Variants in HPSE2 observed in about 807,000 individuals in gnomAD.
HPSE2 encodes heparanase 2 (inactive), also known as inactive heparanase-2.
A neutral mutation model predicts 60.5 loss-of-function variants in HPSE2; 38 were observed. That is an observed-to-expected ratio of 0.63 (90% confidence interval 0.48 to 0.82). The LOEUF is 0.82. HPSE2 is among the 40% of genes least tolerant of loss of function. The probability of loss-of-function intolerance (pLI) is 0.00; values close to 1 mark genes in which losing one functional copy is unlikely to be tolerated. For missense variants in HPSE2, 713 were observed against 740.4 expected, an observed-to-expected ratio of 0.96 and a Z score of 0.43; for synonymous variants, 295 against 293.2, an observed-to-expected ratio of 1.01 and a Z score of -0.06.
At chr10:98,926,809 C>T (rs923639634) in intron 3 of HPSE2, among the ~76,000 whole-genome samples, 8 of 152,092 alleles carry the variant, frequency 5.3e-5, no homozygotes, top group Non-Finnish European at 1.0e-4. Flanking sequence ...AAGTCTGCTC[C>T]CAAACTGTAA....
chr10:98,778,303 A>G (rs977129158), intron 3 of HPSE2, among the ~76,000 whole-genome samples: 1 of 151,826 alleles, frequency 6.6e-6, no homozygotes, highest in Non-Finnish European at 1.5e-5. Flanking sequence ...AGAGAAAGCA[A>G]GAAAGACCTG....
chr10:98,885,239 G>C (rs910047447), intron 3 of HPSE2, among the ~76,000 whole-genome samples: 1 of 152,134 alleles, frequency 6.6e-6, no homozygotes, highest in Non-Finnish European at 1.5e-5. Flanking sequence ...TGACTGAATT[G>C]CAACAACCTC....
At chr10:99,271,525 G>A in the HPSE2 span, among the ~76,000 whole-genome samples, 1 of 152,178 alleles carries the variant, frequency 6.6e-6, no homozygotes, top group Non-Finnish European at 1.5e-5. Flanking sequence ...CACATCCCAT[G>A]CTCATGGATG....
intron 3 of HPSE2, among the ~76,000 whole-genome samples, chr10:99,026,513 T>C (rs1428857869): frequency 6.6e-6 from 1 of 152,016 alleles, no homozygotes; most frequent in Non-Finnish European, 1.5e-5. Flanking sequence ...GAGTCCTCAA[T>C]ACAATAATAG....
At chr10:98,658,215 A>G (rs1248865856) in intron 6 of HPSE2, among the ~76,000 whole-genome samples, 1 of 152,204 alleles carries the variant, frequency 6.6e-6, no homozygotes, top group Non-Finnish European at 1.5e-5. Context: ...AGGGCTAGAT[A>G]ACAAGTAATT....
chr10:98,980,295 G>T (rs1347573474), intron 3 of HPSE2, among the ~76,000 whole-genome samples: 1 of 152,008 alleles, frequency 6.6e-6, no homozygotes, highest in African/African-American at 2.4e-5. Context: ...TGTTAATAAA[G>T]TTTATTATTT....
intron 3 of HPSE2, among the ~76,000 whole-genome samples, chr10:98,960,742 T>A (rs1564692889): frequency 2.7e-5 from 1 of 36,496 alleles, no homozygotes; most frequent in African/African-American, 4.9e-5. Context: ...TTTATTTTAT[T>A]TTTTTTTTTA....
At chr10:98,903,674 C>A (rs1385406245) in intron 3 of HPSE2, among the ~76,000 whole-genome samples, 1 of 152,070 alleles carries the variant, frequency 6.6e-6, no homozygotes, top group Admixed American at 6.6e-5. Flanking sequence ...ATTTGTGATG[C>A]TTTCCTGATT....
chr10:98,847,730 C>A (rs994214981), intron 3 of HPSE2, among the ~76,000 whole-genome samples: 1 of 152,176 alleles, frequency 6.6e-6, no homozygotes, highest in Non-Finnish European at 1.5e-5. Context: ...GTGATCTACT[C>A]TGCAGACCAG....
chr10:99,054,425 G>C (rs1384360785), intron 3 of HPSE2, among the ~76,000 whole-genome samples: 1 of 152,120 alleles, frequency 6.6e-6, no homozygotes, highest in Non-Finnish European at 1.5e-5. Flanking sequence ...CCAAGCTCTA[G>C]TTTAGATCTC....
intron 3 of HPSE2, among the ~76,000 whole-genome samples, chr10:98,803,300 T>G (rs1950961418): frequency 6.7e-6 from 1 of 150,366 alleles, no homozygotes; most frequent in Non-Finnish European, 1.5e-5. Context: ...TAGTTTCTTT[T>G]GCTGTGCAGA....
chr10:99,064,027 A>C lies in HPSE2; in HGVS notation c.610+80211T>G, dbSNP rs576356312. 7.7e-4 allele frequency among the ~76,000 whole-genome samples: 117 copies of C among 152,186 alleles called. 1 individual carries two copies. Among genetic ancestry groups the C allele is most frequent in the Non-Finnish European group, 1.5e-3 (101 of 68,032 alleles). On this transcript the variant is annotated intron_variant, in intron 3 of 11. Coordinates refer to ENST00000370552, the MANE Select transcript of HPSE2 (RefSeq NM_021828.5). ...AGAATTGCTTGAACCAGGGAGTCGGAGGTTGCAGTGAGCTGAGATCGCGCC... is the reference window on the plus strand; with the variant it reads ...AGAATTGCTTGAACCAGGGAGTCGGCGGTTGCAGTGAGCTGAGATCGCGCC...
intron 5 of HPSE2, among the ~76,000 whole-genome samples, chr10:98,721,353 T>C (rs1948917909): frequency 6.6e-6 from 1 of 152,096 alleles, no homozygotes; most frequent in South Asian, 2.1e-4. Context: ...AAATATAAAA[T>C]GATGCTATAA....
chr10:98,972,581 G>A (rs1955983044), intron 3 of HPSE2, among the ~76,000 whole-genome samples: 1 of 152,004 alleles, frequency 6.6e-6, no homozygotes, highest in Non-Finnish European at 1.5e-5. Context: ...TACACACATG[G>A]CTCTTTCTTT....
At chr10:98,811,385 A>G (rs1951166302) in intron 3 of HPSE2, among the ~76,000 whole-genome samples, 1 of 152,102 alleles carries the variant, frequency 6.6e-6, no homozygotes, top group South Asian at 2.1e-4. Context: ...TTGTTTATTT[A>G]TTGTTTCCCC....
intron 3 of HPSE2, among the ~76,000 whole-genome samples, chr10:99,143,183 C>T (rs1845925983): frequency 6.6e-6 from 1 of 152,026 alleles, no homozygotes; most frequent in African/African-American, 2.4e-5. Context: ...ATCCATAATC[C>T]CCTTTTCTGC....
chr10:98,647,218 CATCAGGCCCCTAG>C (rs1419181647), intron 6 of HPSE2, among the ~76,000 whole-genome samples: 1 of 152,200 alleles, frequency 6.6e-6, no homozygotes, highest in African/African-American at 2.4e-5. Flanking sequence ...TGACCCCCTT[CATCAGGCCCCTAG>C]ATTCAGTCTT....
At chr10:98,802,186 T>C (rs574283666) in intron 3 of HPSE2, among the ~76,000 whole-genome samples, 1 of 152,148 alleles carries the variant, frequency 6.6e-6, no homozygotes, top group Non-Finnish European at 1.5e-5. Context: ...TCAAAATGGA[T>C]TAAAGACTTA....
chr10:99,132,196 AGAGAGAGAG>A (rs1845440730), intron 3 of HPSE2, among the ~76,000 whole-genome samples: 26 of 43,468 alleles, frequency 6.0e-4, no homozygotes, highest in African/African-American at 1.5e-3. Flanking sequence ...AAAGAAAGAG[AGAGAGAGAG>A]AGAGAGAGAG....
Sources: gnomAD v4.1 joint callset for allele counts (sites outside exome capture counted in the v4.1 genomes callset) on GRCh38, gnomAD v4.1.1 for gene constraint, MANE v1.5 for transcripts, NCBI Gene and HGNC (gene_info 2026-07-23, HGNC 2026-07-21) for gene names.